Variants in SVIL observed in about 807,000 individuals in gnomAD.
The protein encoded by SVIL is archvillin.
In SVIL, 101 loss-of-function variants were observed where a neutral mutation model predicts 240.4. That is an observed-to-expected ratio of 0.42 (90% confidence interval 0.36 to 0.50). The LOEUF is 0.50. SVIL is among the 20% of genes least tolerant of loss of function. SVIL has a pLI of 0.01. For synonymous variants in SVIL, 999 were observed against 1,100.0 expected, an observed-to-expected ratio of 0.91 and a Z score of 1.82; for missense variants, 2,512 against 2,818.7, an observed-to-expected ratio of 0.89 and a Z score of 2.46.
chr10:29,563,349 A>C (rs1954681956), intron 2 of SVIL, 57 bp from the exon 3 acceptor site: 1 of 786,444 alleles, frequency 1.3e-6, no homozygotes, highest in Non-Finnish European at 1.5e-6. Flanking sequence ...ATATAAGTGA[A>C]AAAATGCAGA....
intron 1 of SVIL, among the ~76,000 whole-genome samples, chr10:29,695,982 C>A (rs924467395): frequency 1.5e-4 from 22 of 148,002 alleles, no homozygotes; most frequent in African/African-American, 5.5e-4. Flanking sequence ...CTCCTTTCCA[C>A]GGTTTCCCTC....
intron 32 of SVIL, 63 bp downstream of exon 32, chr10:29,470,213 G>A (rs1945400031): frequency 6.3e-7 from 1 of 1,584,694 alleles, no homozygotes; most frequent in Non-Finnish European, 8.6e-7. Flanking sequence ...GTACCCCTGA[G>A]CCTGCCCCGT....
intron 1 of SVIL, among the ~76,000 whole-genome samples, chr10:29,624,304 G>T (rs1335008973): frequency 3.9e-5 from 6 of 152,074 alleles, no homozygotes; most frequent in Non-Finnish European, 8.8e-5. Context: ...CTGGGAGGCC[G>T]AGGTGGGTGG....
At chr10:29,543,318 C>G (rs1481296532) in intron 6 of SVIL, among the ~76,000 whole-genome samples, 1 of 152,140 alleles carries the variant, frequency 6.6e-6, no homozygotes, top group Non-Finnish European at 1.5e-5. Flanking sequence ...GTCAGTGGCC[C>G]TATTAGAAAG....
chr10:29,595,823 G>A (rs746747631), intron 1 of SVIL, among the ~76,000 whole-genome samples: 3 of 152,076 alleles, frequency 2.0e-5, no homozygotes, highest in Non-Finnish European at 4.4e-5. Context: ...CAGCAGTTGT[G>A]GTGAGCTGAT....
chr10:29,537,763 C>A (rs894631964), intron 6 of SVIL, among the ~76,000 whole-genome samples: 1 of 152,122 alleles, frequency 6.6e-6, no homozygotes, highest in Non-Finnish European at 1.5e-5. Context: ...TACCTGGCAC[C>A]GCTATTGTAC....
At chr10:29,501,526 C>G (rs556454962) in intron 17 of SVIL, among the ~76,000 whole-genome samples, 59 of 152,104 alleles carry the variant, frequency 3.9e-4, no homozygotes, top group South Asian at 3.7e-3. Context: ...TCTGGTAAAG[C>G]GTATGAAAGT....
At chr10:29,591,191 T>A (rs1168756565) in intron 1 of SVIL, among the ~76,000 whole-genome samples, 1 of 152,200 alleles carries the variant, frequency 6.6e-6, no homozygotes, top group Non-Finnish European at 1.5e-5. Context: ...GTGAAATGTG[T>A]TTACATGCAT....
Position 29,465,578 on chromosome 10 carries a change from C to A in SVIL, c.6133+17G>T. 1 of 1,588,924 alleles carries A rather than the reference C, an allele frequency of 6.3e-7. No individual in the cohort carries two copies. Among genetic ancestry groups the A allele is most frequent in the African/African-American group, 1.4e-5 (1 of 74,012 alleles). On this transcript the variant is annotated intron_variant, in intron 34 of 37. Transcript: ENST00000355867. Reference sequence around the variant, plus strand: ...TGCCTTCTACTGCTCAGCATAGCTGCCCCCTGCAGGCCTTACCTGGCTGGG... The same window carrying A: ...TGCCTTCTACTGCTCAGCATAGCTGACCCCTGCAGGCCTTACCTGGCTGGG...
intron 2 of SVIL, among the ~76,000 whole-genome samples, chr10:29,661,616 C>T (rs541056553): frequency 6.6e-6 from 1 of 152,228 alleles, no homozygotes; most frequent in South Asian, 2.1e-4. Flanking sequence ...AGGTTACCAA[C>T]CCCCTGTGCA....
Position 29,463,502 on chromosome 10 carries a change from C to A in SVIL, c.6267G>T (p.Gln2089His), listed in dbSNP as rs1944518205. 6.2e-7 allele frequency: 1 copy of A among 1,613,926 alleles called. No individual in the cohort carries two copies. The highest frequency in any genetic ancestry group is 1.3e-5 in the African/African-American group (1 of 74,936). The change falls in exon 35 of 38, where the codon CAG (glutamine) becomes CAT (histidine). Residue 2089 changes from glutamine (Q) to histidine (H), a missense_variant. By Grantham distance (24) the Gln-to-His change is conservative (BLOSUM62 0). This residue lies in a region of SVIL where 797 missense variants were observed against 925.3 expected (regional missense o/e 0.86). Transcript: ENST00000355867. ...TAGAGGGAGCCTCACCTTTGCAGTA[C>A]TGGAGCACAGTCTCCATCGCACTCT... ...DRKSAMETVL[Q>H]YCKGKNLKKP...
chr10:29,470,976 A>G (rs1235975886), intron 31 of SVIL, among the ~76,000 whole-genome samples, 162 bp downstream of exon 31: 1 of 152,166 alleles, frequency 6.6e-6, no homozygotes, highest in East Asian at 1.9e-4. Context: ...GAGGCGGGTC[A>G]TGAGCACCCA....
intron 1 of SVIL, among the ~76,000 whole-genome samples, chr10:29,615,311 C>G (rs1037645776): frequency 6.6e-6 from 1 of 152,208 alleles, no homozygotes; most frequent in Non-Finnish European, 1.5e-5. Flanking sequence ...AATGATCCTA[C>G]TTCTCCCAGC....
At chr10:29,676,446 C>T (rs900957163) in intron 2 of SVIL, among the ~76,000 whole-genome samples, 8 of 152,154 alleles carry the variant, frequency 5.3e-5, no homozygotes, top group African/African-American at 1.9e-4. Context: ...TTAATAAACA[C>T]AAATACTAGG....
intron 1 of SVIL, among the ~76,000 whole-genome samples, chr10:29,705,839 A>G (rs1189411295): frequency 2.0e-5 from 3 of 152,348 alleles, no homozygotes; most frequent in Admixed American, 2.0e-4. Flanking sequence ...ATGCCTGCAT[A>G]GTATTCCATG....
At chr10:29,485,609 C>T (rs1200290975) in intron 26 of SVIL, among the ~76,000 whole-genome samples, 2 of 152,138 alleles carry the variant, frequency 1.3e-5, no homozygotes, top group East Asian at 3.9e-4. Context: ...ACTTAAGGGC[C>T]TGCGTGTCTT....
rs1947489026 is a variant in SVIL, at chr10:29,487,205, G to C, written c.4443C>G (p.Phe1481Leu). The C allele has an allele frequency of 6.2e-7, 1 of 1,613,946 alleles. No homozygotes were observed. The highest frequency in any genetic ancestry group is 8.5e-7 in the Non-Finnish European group (1 of 1,179,996). The change falls in exon 24 of 38, where the codon TTC (phenylalanine) becomes TTG (leucine). Residue 1481 changes from phenylalanine to leucine, a missense_variant. This residue lies in a region of SVIL where 272 missense variants were observed against 406.8 expected (regional missense o/e 0.67). Transcript: ENST00000355867. ...CGTTTGCAAACTCTCCTACCCACAG[G>C]AAGCAGCAGTGGGGAGAGAGCAGGA... ...CFLLLSPHCCFLWVGEFANVI... is the reference protein window; with the variant it reads ...CFLLLSPHCCLLWVGEFANVI...
At chr10:29,646,099 T>C (rs1273931448) in intron 3 of SVIL, among the ~76,000 whole-genome samples, 1 of 152,158 alleles carries the variant, frequency 6.6e-6, no homozygotes, top group African/African-American at 2.4e-5. Context: ...CTAGGATATA[T>C]TAAGTGCTCG....
intron 1 of SVIL, among the ~76,000 whole-genome samples, chr10:29,590,473 T>G (rs1956349742): frequency 6.6e-6 from 1 of 152,124 alleles, no homozygotes; most frequent in African/African-American, 2.4e-5. Flanking sequence ...GAATGATAGA[T>G]TTTTATCAGA....
Sources: allele counts gnomAD v4.1 joint callset (sites outside exome capture counted in the v4.1 genomes callset), GRCh38; gene constraint gnomAD v4.1.1; regional missense constraint gnomAD v4.1.1; transcripts MANE v1.5; gene names NCBI Gene and HGNC (gene_info 2026-07-23, HGNC 2026-07-21).